Variants in COL11A1 observed in about 807,000 individuals in gnomAD.
The protein encoded by COL11A1 is collagen alpha-1(XI) chain.
COL11A1 carries 74 observed loss-of-function variants against 265.2 expected under a neutral mutation model. The observed-to-expected ratio is 0.28, with a 90% CI of 0.23 to 0.34. The LOEUF is 0.34. Ranked by LOEUF, COL11A1 falls within the 10% of genes least tolerant of loss-of-function variation. COL11A1 has a pLI of 1.00. For synonymous variants in COL11A1, 816 were observed against 727.6 expected (o/e 1.12, Z -1.96); for missense variants, 2,165 against 2,263.6 (o/e 0.96, Z 0.88).
chr1:103,022,155 CGGCCATT>C (rs149237083), intron 8 of COL11A1, among the ~76,000 whole-genome samples: 5,657 of 151,760 alleles, frequency 0.037, 354 homozygotes, highest in African/African-American at 0.13. Flanking sequence ...AGCACCCGGC[CGGCCATT>C]TGTTTTTAAA....
In COL11A1 at chr1:103,018,009, C is replaced by T. The variant is rs184619579; in HGVS notation, c.1351-127G>A. ...TATACACTAGAGTTCTAAACAGTTG[C>T]CCTATTTATCTTCCTGTGAAAAGAC... On this transcript the variant is annotated intron_variant, in intron 10 of 66. Coordinates refer to ENST00000370096, the MANE Select transcript of COL11A1 (RefSeq NM_001854.4). The T allele has an allele frequency of 5.5e-4, 448 of 816,860 alleles. 3 individuals are homozygous for T. The highest frequency in any genetic ancestry group is 4.8e-3 in the African/African-American group (278 of 57,944). 50.6% of individuals were successfully genotyped at this position (816,860 alleles called of 1,614,324 possible).
At chr1:102,895,677 C>G (rs946469297) in intron 57 of COL11A1, among the ~76,000 whole-genome samples, 2 of 151,798 alleles carry the variant, frequency 1.3e-5, no homozygotes, top group Admixed American at 1.3e-4. Flanking sequence ...AATCTCACAG[C>G]CACTGTGTTA....
intron 9 of COL11A1, among the ~76,000 whole-genome samples, chr1:103,019,965 C>CA (rs2101926654): frequency 7.0e-6 from 1 of 143,768 alleles, no homozygotes; most frequent in South Asian, 2.4e-4. Context: ...ATATGTGCCA[C>CA]ATTTTCTTAA....
chr1:103,103,792 C>T (rs149438945), intron 1 of COL11A1, among the ~76,000 whole-genome samples: 1 of 151,950 alleles, frequency 6.6e-6, no homozygotes, highest in African/African-American at 2.4e-5. Context: ...GAGTACTTCC[C>T]ATAAATTAAA....
At chr1:103,079,577 T>C (rs1672241603) in intron 2 of COL11A1, among the ~76,000 whole-genome samples, 2 of 152,054 alleles carry the variant, frequency 1.3e-5, no homozygotes, top group African/African-American at 4.8e-5. Flanking sequence ...ACAATTACCC[T>C]AAGTATATCT....
Position 103,005,900 on chromosome 1 carries a change from C to CCAT in COL11A1, c.1792-12_1792-10dup, listed in dbSNP as rs71752747. On this transcript the variant is annotated splice_polypyrimidine_tract_variant and intron_variant, in intron 17 of 66. Transcript: ENST00000370096. ...TCAAACCCTCGATCTCCCTGTAAAA[C>CCAT]CATCATCATCATCATCATCATCATC... is the stretch of plus-strand genomic sequence containing the variant. The CCAT allele has an allele frequency of 7.3e-3, 11,050 of 1,518,594 alleles. 153 individuals are homozygous for CCAT. Among genetic ancestry groups the CCAT allele is most frequent in the African/African-American group, 0.07 (5,167 of 73,438 alleles). The allele number at this position is 1,518,594 out of a possible 1,614,324, so 94.1% of individuals were successfully genotyped here.
chr1:103,104,630 T>G (rs1674551826), intron 1 of COL11A1, among the ~76,000 whole-genome samples: 1 of 152,156 alleles, frequency 6.6e-6, no homozygotes. Context: ...TCAAAACTAA[T>G]GGACAACTAG....
rs1381386962 is a variant in COL11A1, at chr1:102,877,092, AAGG to A, written c.*924_*926del. ...TGCATTATTGAAGCACACTGAAAACAAGGAGATGAGATAACGTAGAAAAAAAGT... is the reference window on the plus strand; with the variant it reads ...TGCATTATTGAAGCACACTGAAAACAAGATGAGATAACGTAGAAAAAAAGT... On this transcript the variant is annotated 3_prime_UTR_variant, in exon 67 of 67. Coordinates refer to ENST00000370096, the MANE Select transcript of COL11A1 (RefSeq NM_001854.4). 3 of 152,590 alleles carry A rather than the reference AAGG, an allele frequency of 2.0e-5. No individual in the cohort carries two copies. Among genetic ancestry groups the A allele is most frequent in the African/African-American group, 4.8e-5 (2 of 41,442 alleles). 9.5% of individuals were successfully genotyped at this position (152,590 alleles called of 1,614,324 possible).
chr1:102,951,758 A>G (rs1659909879), intron 41 of COL11A1, among the ~76,000 whole-genome samples: 1 of 150,914 alleles, frequency 6.6e-6, no homozygotes. Context: ...ATAAAATAAA[A>G]TAAAATAAAA....
rs1418206365 is a variant in COL11A1 at position 102,876,825 on chromosome 1, C to G, written c.*1194G>C. ...AAAAAGTTTAGATTTTCCTGAATGA[C>G]TTAAAACAAATACTCTTAATAACAG... is the stretch of plus-strand genomic sequence containing the variant. On this transcript the variant is annotated 3_prime_UTR_variant, in exon 67 of 67. Transcript: ENST00000370096. 2 of 152,096 alleles carry G rather than the reference C, an allele frequency of 1.3e-5. No individual in the cohort carries two copies. The highest frequency in any genetic ancestry group is 4.8e-5 in the African/African-American group (2 of 41,400). The allele number at this position is 152,096 out of a possible 1,614,324, so 9.4% of individuals were successfully genotyped here.
chr1:102,966,708 C>CAAACACAG (rs140944610), intron 37 of COL11A1, among the ~76,000 whole-genome samples: 3 of 151,816 alleles, frequency 2.0e-5, no homozygotes, highest in African/African-American at 7.3e-5. Context: ...TACATACACA[C>CAAACACAG]ATACCTAAAC....
chr1:102,914,359 C>A lies in COL11A1; in HGVS notation c.3971G>T (p.Gly1324Val). Reference sequence around the variant, plus strand: ...TTTTTCCCTGATACTTACTGCAGGGCCAGGTTCCCCAGGAGGACCAGGATC... The same window carrying A: ...TTTTTCCCTGATACTTACTGCAGGGACAGGTTCCCCAGGAGGACCAGGATC... The part of the protein sequence containing the change: ...PGDPGPPGEP[G>V]PAGQDGVGGD... The change falls in exon 52 of 67, where the codon GGC becomes GTC. Residue 1324 changes from glycine (G) to valine (V), a missense_variant. Physicochemically the swap from Gly to Val is moderately radical, Grantham distance 109. Transcript: ENST00000370096. 1 of 1,607,382 alleles carries A rather than the reference C, an allele frequency of 6.2e-7. No individual in the cohort carries two copies. The highest frequency in any genetic ancestry group is 8.5e-7 in the Non-Finnish European group (1 of 1,175,350).
chr1:103,010,918 T>A (rs1557941704), intron 14 of COL11A1, among the ~76,000 whole-genome samples: 2 of 152,170 alleles, frequency 1.3e-5, no homozygotes, highest in African/African-American at 4.8e-5. Flanking sequence ...CAGGCTGGTC[T>A]CGAACTCCCA....
intron 46 of COL11A1, among the ~76,000 whole-genome samples, chr1:102,931,579 G>A (rs1384565199): frequency 6.6e-6 from 1 of 152,118 alleles, no homozygotes; most frequent in East Asian, 1.9e-4. Context: ...GTTGATTTGG[G>A]GTAGAGAGTT....
At chr1:102,933,992 C>T (rs537996420) in intron 46 of COL11A1, among the ~76,000 whole-genome samples, 5 of 152,304 alleles carry the variant, frequency 3.3e-5, no homozygotes, top group African/African-American at 1.2e-4. Context: ...CACTGTCTGG[C>T]ACTCCCTAGT....
chr1:102,934,327 A>G, intron 46 of COL11A1, 122 bp downstream of exon 46: 7 of 689,474 alleles, frequency 1.0e-5, no homozygotes, highest in South Asian at 1.0e-4. Flanking sequence ...CTTTATGGAT[A>G]AACATTGTAC....
intron 42 of COL11A1, among the ~76,000 whole-genome samples, chr1:102,940,787 A>G (rs1398392656): frequency 6.6e-6 from 1 of 152,144 alleles, no homozygotes; most frequent in Non-Finnish European, 1.5e-5. Context: ...TGCAATGGGT[A>G]TTAGGCTTTA....
At chr1:103,096,164 T>C (rs1673745927) in intron 1 of COL11A1, among the ~76,000 whole-genome samples, 1 of 151,998 alleles carries the variant, frequency 6.6e-6, no homozygotes. Flanking sequence ...CATTTTATGC[T>C]TTCAGACCAC....
intron 1 of COL11A1, among the ~76,000 whole-genome samples, chr1:103,088,677 C>T (rs1035562241): frequency 6.6e-6 from 1 of 152,144 alleles, no homozygotes; most frequent in African/African-American, 2.4e-5. Context: ...CTCACAACAA[C>T]TAAAATATCT....
Sources: allele counts gnomAD v4.1 joint callset (sites outside exome capture counted in the v4.1 genomes callset), GRCh38; gene constraint gnomAD v4.1.1; transcripts MANE v1.5; gene names NCBI Gene and HGNC (gene_info 2026-07-23, HGNC 2026-07-21).